The following ZNF638 variants were observed in gnomAD, a reference collection of about 807,000 sequenced individuals.
ZNF638 encodes the protein zinc finger protein 638.
A neutral mutation model predicts 195.6 loss-of-function variants in ZNF638; 46 were observed. That is an observed-to-expected ratio of 0.24 (90% CI 0.19 to 0.30). The LOEUF (loss-of-function observed/expected upper bound fraction) is 0.30. Among genes scored for constraint, ZNF638 ranks in the 10% least tolerant of loss-of-function variants. ZNF638 has a pLI of 1.00. For synonymous variants in ZNF638, 845 were observed against 772.0 expected (o/e 1.09, Z -1.57); for missense variants, 2,440 against 2,325.3 (o/e 1.05, Z -1.01).
chr2:71,411,773 A>G (rs1432053399), intron 20 of ZNF638, among the ~76,000 whole-genome samples: 3 of 50,136 alleles, frequency 6.0e-5, no homozygotes, highest in East Asian at 5.6e-4. Context: ...ATGGTTTCCA[A>G]TTTCATCCAT....
intron 8 of ZNF638, among the ~76,000 whole-genome samples, chr2:71,371,326 A>G (rs1361277808): frequency 2.6e-5 from 4 of 152,160 alleles, no homozygotes; most frequent in Admixed American, 1.3e-4. Context: ...TACCTCTTCA[A>G]TATACTGATT....
chr2:71,427,698 A>G (rs572843980), intron 24 of ZNF638, among the ~76,000 whole-genome samples: 60 of 152,306 alleles, frequency 3.9e-4, no homozygotes, highest in Middle Eastern at 3.4e-3. Context: ...TGAAAATGAT[A>G]TATTTGTATT....
intron 8 of ZNF638, among the ~76,000 whole-genome samples, chr2:71,370,412 T>G (rs1216010770): frequency 6.6e-6 from 1 of 152,194 alleles, no homozygotes; most frequent in Non-Finnish European, 1.5e-5. Flanking sequence ...CAACTTTACA[T>G]AAACAAAATC....
intron 11 of ZNF638, among the ~76,000 whole-genome samples, chr2:71,396,893 G>C (rs894645847): frequency 1.3e-5 from 2 of 152,166 alleles, no homozygotes; most frequent in African/African-American, 4.8e-5. Flanking sequence ...GTTGCAGTGA[G>C]CTGAGATCTT....
chr2:71,331,925 TATCG>T (rs1276696864), intron 1 of ZNF638, 50 bp downstream of exon 1: 6 of 986,130 alleles, frequency 6.1e-6, no homozygotes, highest in Non-Finnish European at 7.2e-6. Context: ...CGGAGGCCGG[TATCG>T]TGGGGGTCCT....
intron 8 of ZNF638, among the ~76,000 whole-genome samples, chr2:71,378,334 G>A (rs1337496888): frequency 6.6e-6 from 1 of 152,156 alleles, no homozygotes; most frequent in Non-Finnish European, 1.5e-5. Flanking sequence ...TAGTAGAATA[G>A]CACTAGAACT....
chr2:71,359,543 T>C (rs1301598353), intron 3 of ZNF638, among the ~76,000 whole-genome samples: 1 of 152,174 alleles, frequency 6.6e-6, no homozygotes, highest in Non-Finnish European at 1.5e-5. Flanking sequence ...AGACTAATCT[T>C]CACTGGAAAC....
At chr2:71,403,311 A>G (rs1169813620) in intron 16 of ZNF638, among the ~76,000 whole-genome samples, 1 of 152,274 alleles carries the variant, frequency 6.6e-6, no homozygotes, top group East Asian at 1.9e-4. Context: ...ACAGCTTTCT[A>G]CCTCATTAAC....
intron 22 of ZNF638, 91 bp downstream of exon 22, chr2:71,424,129 A>G (rs2080486794): frequency 3.4e-6 from 5 of 1,486,750 alleles, no homozygotes; most frequent in South Asian, 1.4e-5. Flanking sequence ...ATTTTGTTTC[A>G]TACTTTCATC....
intron 25 of ZNF638, among the ~76,000 whole-genome samples, chr2:71,430,043 A>G (rs1449626563): frequency 6.6e-6 from 1 of 152,230 alleles, no homozygotes; most frequent in East Asian, 1.9e-4. Context: ...GAACTGCCTC[A>G]TTGCAACTGA....
At chr2:71,395,663 G>C in intron 10 of ZNF638, 1 of 495,132 alleles carries the variant, frequency 2.0e-6, no homozygotes, top group South Asian at 1.6e-5. Context: ...AATCTGTACT[G>C]AATAAATACA....
intron 16 of ZNF638, among the ~76,000 whole-genome samples, chr2:71,403,312 C>T (rs1449503353): frequency 3.9e-5 from 6 of 152,068 alleles, no homozygotes; most frequent in African/African-American, 2.4e-5. Flanking sequence ...CAGCTTTCTA[C>T]CTCATTAACT....
chr2:71,421,074 G>T (rs1244085143), intron 21 of ZNF638, among the ~76,000 whole-genome samples: 1 of 152,058 alleles, frequency 6.6e-6, no homozygotes, highest in Non-Finnish European at 1.5e-5. Context: ...TGTTATCCTA[G>T]CCCCATAGAT....
At chr2:71,396,290 C>A in intron 11 of ZNF638, 99 bp downstream of exon 11, 1 of 947,844 alleles carries the variant, frequency 1.1e-6, no homozygotes, top group Non-Finnish European at 1.6e-6. Context: ...ATGACATAGT[C>A]TGTATTGAAT....
intron 1 of ZNF638, among the ~76,000 whole-genome samples, chr2:71,337,527 G>A (rs1323495910): frequency 1.3e-5 from 2 of 152,006 alleles, no homozygotes; most frequent in African/African-American, 2.4e-5. Flanking sequence ...ATCCTCCCAA[G>A]TGGCTGGGAG....
chr2:71,390,241 T>C (rs2079744444), intron 10 of ZNF638, among the ~76,000 whole-genome samples: 1 of 152,220 alleles, frequency 6.6e-6, no homozygotes, highest in Admixed American at 6.5e-5. Context: ...ACTTGGGCAA[T>C]GCCAGCGGCT....
intron 10 of ZNF638, among the ~76,000 whole-genome samples, chr2:71,392,739 TG>T (rs1050426335): frequency 2.0e-5 from 3 of 150,918 alleles, no homozygotes; most frequent in African/African-American, 7.3e-5. Flanking sequence ...ACCCAAAGAC[TG>T]GGTAAACAAA....
intron 3 of ZNF638, among the ~76,000 whole-genome samples, chr2:71,360,075 C>A (rs1051750407): frequency 7.2e-5 from 11 of 152,294 alleles, no homozygotes; most frequent in African/African-American, 2.6e-4. Context: ...AATTTCCCTA[C>A]CATCATGCAG....
Position 71,402,013 on chromosome 2 carries a change from G to T in ZNF638, c.2755G>T (p.Val919Leu). The T allele has an allele frequency of 6.2e-7, 1 of 1,607,900 alleles. No individual in the cohort carries two copies. Among genetic ancestry groups the T allele is most frequent in the Non-Finnish European group, 8.5e-7 (1 of 1,176,328 alleles). Residue 919 changes from valine (V) to leucine (L), a missense_variant, in exon 16 of 28, where the codon GTA becomes TTA. Physicochemically the swap from Val to Leu is conservative, Grantham distance 32. Coordinates refer to ENST00000264447, the MANE Select transcript of ZNF638 (RefSeq NM_014497.5). ...TAATTTGCCTAATAAAGGATATTCTGTAGAAGAAGTTTATGACTTAGCAAA... is the reference window on the plus strand; with the variant it reads ...TAATTTGCCTAATAAAGGATATTCTTTAGAAGAAGTTTATGACTTAGCAAA... Reference protein sequence around the residue: ...VSNLPNKGYSVEEVYDLAKPF... With the variant: ...VSNLPNKGYSLEEVYDLAKPF...
Sources: allele counts gnomAD v4.1 joint callset (sites outside exome capture counted in the v4.1 genomes callset), GRCh38; gene constraint gnomAD v4.1.1; transcripts MANE v1.5; gene names NCBI Gene and HGNC (gene_info 2026-07-23, HGNC 2026-07-21).